PKHD1: variants seen among roughly 807,000 people sequenced by gnomAD.
PKHD1 encodes fibrocystin.
PKHD1 carries 291 observed loss-of-function variants against 412.0 expected under a neutral mutation model. The ratio of observed to expected loss-of-function variants is 0.71; its 90% CI spans 0.64 to 0.78. The LOEUF (loss-of-function observed/expected upper bound fraction) is 0.78, where lower values mean the gene tolerates loss of function less well. PKHD1 is among the 30% of genes least tolerant of loss of function. The pLI, the probability that PKHD1 is intolerant of heterozygous loss-of-function variation, is 0.00. For synonymous variants in PKHD1, 1,777 were observed against 1,821.5 expected (o/e 0.98, Z 0.62); for missense variants, 4,825 against 4,950.7 (o/e 0.97, Z 0.76).
chr6:51,687,117 G>C (rs757679018), intron 60 of PKHD1, among the ~76,000 whole-genome samples: 1 of 152,086 alleles, frequency 6.6e-6, no homozygotes, highest in Non-Finnish European at 1.5e-5. Context: ...GGAAGAAATG[G>C]ATAATACTAT....
At chr6:51,854,664 C>T (rs1772955420) in intron 49 of PKHD1, among the ~76,000 whole-genome samples, 1 of 152,174 alleles carries the variant, frequency 6.6e-6, no homozygotes, top group Non-Finnish European at 1.5e-5. Context: ...TGCCTGCCCA[C>T]TGAGGAAGGA....
intron 27 of PKHD1, 64 bp from the exon 28 acceptor site, chr6:52,035,785 T>C: frequency 1.4e-6 from 2 of 1,446,992 alleles, no homozygotes; most frequent in Non-Finnish European, 1.9e-6. Context: ...AAATTAATTA[T>C]GCACAAGATG....
chr6:51,838,541 G>A lies in PKHD1; in HGVS notation c.8108-2072C>T, dbSNP rs535543508. ...ATTAACGTTGAGTGTGTGAATGCCA[G>A]TCAGTGAAGAGAAGTAGTTTCAGGA... On this transcript the variant is annotated intron_variant, in intron 50 of 66. Transcript: ENST00000371117. 6.0e-4 allele frequency among the ~76,000 whole-genome samples: 92 copies of A among 152,338 alleles called. 3 individuals are homozygous for A. In the South Asian group the frequency reaches 0.019, roughly 31 times the overall value.
chr6:51,933,747 T>G (rs1447787092), intron 37 of PKHD1, among the ~76,000 whole-genome samples: 3 of 152,200 alleles, frequency 2.0e-5, no homozygotes, highest in Non-Finnish European at 4.4e-5. Context: ...AAACCTTCAC[T>G]TGGCCATGCA....
intron 1 of PKHD1, among the ~76,000 whole-genome samples, chr6:52,085,408 C>A (rs936424146): frequency 6.6e-5 from 10 of 152,170 alleles, no homozygotes; most frequent in Admixed American, 2.6e-4. Context: ...GAACCCTACA[C>A]TGCAGCCACA....
intron 64 of PKHD1, among the ~76,000 whole-genome samples, chr6:51,633,121 T>C (rs564208094): frequency 4.6e-5 from 7 of 152,284 alleles, no homozygotes; most frequent in African/African-American, 1.7e-4. Flanking sequence ...ACTCAATACG[T>C]GCCATATAAC....
rs183058955 is a variant in PKHD1, at chr6:51,715,449, A to T, written c.10156+28936T>A. ...CCACCGCAATTTTGATTTATCACTC[A>T]TGTATATTCTTCCAGATACCTAGTA... On this transcript the variant is annotated intron_variant, in intron 60 of 66. Transcript: ENST00000371117. 4.7e-4 allele frequency among the ~76,000 whole-genome samples: 72 copies of T among 152,310 alleles called. 1 individual carries two copies. The highest frequency in any genetic ancestry group is 1.6e-3 in the African/African-American group (68 of 41,572).
intron 48 of PKHD1, among the ~76,000 whole-genome samples, chr6:51,857,567 G>A (rs1761695488): frequency 6.6e-6 from 1 of 152,134 alleles, no homozygotes; most frequent in African/African-American, 2.4e-5. Context: ...TAAAATGGAG[G>A]CAACAATAGA....
chr6:51,804,174 A>G (rs1484794076), intron 52 of PKHD1, among the ~76,000 whole-genome samples: 2 of 151,244 alleles, frequency 1.3e-5, no homozygotes, highest in African/African-American at 4.9e-5. Context: ...ATCTCTGATA[A>G]ACTACTGACC....
At chr6:51,723,478 A>G (rs1434466894) in intron 60 of PKHD1, among the ~76,000 whole-genome samples, 1 of 152,202 alleles carries the variant, frequency 6.6e-6, no homozygotes, top group Non-Finnish European at 1.5e-5. Flanking sequence ...TCAATGTCAG[A>G]GTATATACCA....
chr6:51,778,202 A>T (rs1420244039), intron 53 of PKHD1, among the ~76,000 whole-genome samples: 1 of 152,148 alleles, frequency 6.6e-6, no homozygotes, highest in African/African-American at 2.4e-5. Flanking sequence ...CTGAGACAGA[A>T]GATGCTCAGG....
At chr6:51,722,036 G>A in intron 60 of PKHD1, 1 of 1,613,294 alleles carries the variant, frequency 6.2e-7, no homozygotes, top group Non-Finnish European at 8.5e-7. Context: ...GTAAACAGAA[G>A]TACTTTAGTC....
At chr6:52,014,780 T>C (rs1439446444) in intron 34 of PKHD1, among the ~76,000 whole-genome samples, 1 of 128,682 alleles carries the variant, frequency 7.8e-6, no homozygotes, top group African/African-American at 2.9e-5. Flanking sequence ...ACTGGATAGA[T>C]GGATGGATCA....
chr6:51,922,885 C>T (rs1247378045), intron 37 of PKHD1, among the ~76,000 whole-genome samples: 1 of 152,190 alleles, frequency 6.6e-6, no homozygotes, highest in Non-Finnish European at 1.5e-5. Flanking sequence ...TCCACAACCC[C>T]CTGCACTTCC....
chr6:52,048,081 A>G (rs1377358499), intron 23 of PKHD1, among the ~76,000 whole-genome samples: 2 of 152,216 alleles, frequency 1.3e-5, no homozygotes. Flanking sequence ...AAGACATGCT[A>G]GCCACCACCA....
At chr6:51,933,098 C>T (rs953170282) in intron 37 of PKHD1, among the ~76,000 whole-genome samples, 1 of 152,138 alleles carries the variant, frequency 6.6e-6, no homozygotes, top group Admixed American at 6.5e-5. Context: ...GCCTTTGGCT[C>T]ATGCTATGCA....
intron 60 of PKHD1, among the ~76,000 whole-genome samples, chr6:51,726,010 G>A (rs1782530102): frequency 6.6e-6 from 1 of 152,168 alleles, no homozygotes; most frequent in Non-Finnish European, 1.5e-5. Flanking sequence ...AGTGAGTGCT[G>A]CAGGCATCTT....
intron 52 of PKHD1, among the ~76,000 whole-genome samples, chr6:51,814,766 G>C (rs566857387): frequency 2.0e-5 from 3 of 152,248 alleles, no homozygotes; most frequent in South Asian, 4.2e-4. Flanking sequence ...TGAATGAAAG[G>C]CCACCGGCTC....
chr6:51,769,761 AGTTT>A (rs1361235365), intron 55 of PKHD1, among the ~76,000 whole-genome samples: 1 of 151,374 alleles, frequency 6.6e-6, no homozygotes, highest in Non-Finnish European at 1.5e-5. Context: ...CAATAAGAAA[AGTTT>A]GTTTGCTTAT....
Sources: allele counts gnomAD v4.1 joint callset (sites outside exome capture counted in the v4.1 genomes callset), GRCh38; gene constraint gnomAD v4.1.1; transcripts MANE v1.5; gene names NCBI Gene and HGNC (gene_info 2026-07-23, HGNC 2026-07-21).